Variants in PRKN observed in about 807,000 individuals in gnomAD.
PRKN encodes parkin RBR E3 ubiquitin protein ligase.
A neutral mutation model predicts 59.5 loss-of-function variants in PRKN; 56 were observed. The observed-to-expected ratio is 0.94, with a 90% confidence interval of 0.76 to 1.18. The LOEUF (loss-of-function observed/expected upper bound fraction) is 1.18, where lower values mean the gene tolerates loss of function less well. Ranked by LOEUF, PRKN falls within the 50% of genes most tolerant of loss-of-function variation. The pLI, the probability that PRKN is intolerant of heterozygous loss-of-function variation, is 0.00. For missense variants in PRKN, 657 were observed against 596.4 expected (o/e 1.10, Z -1.06); for synonymous variants, 250 against 222.1 (o/e 1.13, Z -1.12).
At chr6:161,691,513 A>G (rs1364248376) in intron 7 of PRKN, among the ~76,000 whole-genome samples, 64 of 152,228 alleles carry the variant, frequency 4.2e-4, no homozygotes, top group Admixed American at 4.2e-3. Flanking sequence ...GACTTTCTGC[A>G]TCTCTGTTTT....
At chr6:161,909,900 T>A (rs1778292147) in intron 6 of PRKN, among the ~76,000 whole-genome samples, 1 of 152,128 alleles carries the variant, frequency 6.6e-6, no homozygotes, top group African/African-American at 2.4e-5. Flanking sequence ...AGTGAAATAG[T>A]AAAATAGTCT....
chr6:161,817,980 T>C (rs1306942609), intron 6 of PRKN, among the ~76,000 whole-genome samples: 1 of 152,196 alleles, frequency 6.6e-6, no homozygotes, highest in Admixed American at 6.5e-5. Context: ...CCTTGGATAG[T>C]CTACTGGCGT....
rs372356751 is a variant in PRKN, at chr6:162,598,159, A to C, written c.7+129503T>G. 1.6e-4 allele frequency among the ~76,000 whole-genome samples: 24 copies of C among 152,272 alleles called. No individual in the cohort carries two copies. The East Asian group carries it at 2.9e-3, about 18-fold the overall frequency. ...ATCAGCATTTTCATTTTAAATTTTA[A>C]CTTTCTTATAAATTTCTGAGAAATT... On this transcript the variant is annotated intron_variant, in intron 1 of 11. Coordinates refer to ENST00000366898, the MANE Select transcript of PRKN (RefSeq NM_004562.3).
chr6:162,464,699 G>T (rs1039849787), intron 1 of PRKN, among the ~76,000 whole-genome samples: 1 of 151,012 alleles, frequency 6.6e-6, no homozygotes, highest in African/African-American at 2.4e-5. Flanking sequence ...CGTGGTGGCG[G>T]GCGCCTGTAG....
At chr6:161,665,627 C>T (rs1324626210) in intron 7 of PRKN, among the ~76,000 whole-genome samples, 1 of 152,198 alleles carries the variant, frequency 6.6e-6, no homozygotes, top group Non-Finnish European at 1.5e-5. Flanking sequence ...CTTGTTCATT[C>T]TACATCAAAA....
intron 6 of PRKN, among the ~76,000 whole-genome samples, chr6:161,900,399 G>A (rs1430093431): frequency 6.8e-6 from 1 of 146,018 alleles, no homozygotes; most frequent in Non-Finnish European, 1.5e-5. Context: ...CACTGAGTGT[G>A]GGATCAAATT....
At chr6:161,667,311 T>C (rs369677092) in intron 7 of PRKN, among the ~76,000 whole-genome samples, 3 of 152,176 alleles carry the variant, frequency 2.0e-5, no homozygotes, top group African/African-American at 7.2e-5. Flanking sequence ...TGCTGGTCCA[T>C]TGCTGACAGG....
chr6:162,523,299 G>A (rs1778147704), intron 1 of PRKN, among the ~76,000 whole-genome samples: 1 of 152,184 alleles, frequency 6.6e-6, no homozygotes, highest in Non-Finnish European at 1.5e-5. Context: ...TTAGATATTA[G>A]ATGTGACGAG....
intron 6 of PRKN, among the ~76,000 whole-genome samples, chr6:161,836,480 G>A (rs770553628): frequency 5.9e-5 from 9 of 152,160 alleles, no homozygotes; most frequent in South Asian, 4.1e-4. Flanking sequence ...CACCTCATAC[G>A]AAGCAAAGCG....
chr6:162,465,958 A>G (rs1464687208), intron 1 of PRKN, among the ~76,000 whole-genome samples: 3 of 152,308 alleles, frequency 2.0e-5, no homozygotes, highest in South Asian at 2.1e-4. Flanking sequence ...TTGTATATCA[A>G]TATTTTATCA....
At chr6:162,417,169 A>C (rs1364639298) in intron 2 of PRKN, among the ~76,000 whole-genome samples, 1 of 152,196 alleles carries the variant, frequency 6.6e-6, no homozygotes, top group East Asian at 1.9e-4. Flanking sequence ...AATGATGGCA[A>C]ATGTGGCCAT....
intron 2 of PRKN, chr6:162,263,112 C>T: frequency 2.9e-6 from 1 of 345,258 alleles, no homozygotes; most frequent in African/African-American, 2.1e-5. Flanking sequence ...CAGAGTCTCA[C>T]TCTGTCATCC....
At chr6:161,978,322 T>C (rs1171934116) in intron 5 of PRKN, among the ~76,000 whole-genome samples, 3 of 152,146 alleles carry the variant, frequency 2.0e-5, no homozygotes, top group Non-Finnish European at 4.4e-5. Flanking sequence ...AGTGCTGGGA[T>C]TACAGGTGTG....
chr6:162,301,156 A>G (rs1184411053), intron 2 of PRKN, among the ~76,000 whole-genome samples: 2 of 152,174 alleles, frequency 1.3e-5, no homozygotes, highest in Non-Finnish European at 2.9e-5. Context: ...AAACCTTCCA[A>G]TGACCAGGAA....
chr6:161,423,218 GC>G lies in PRKN; in HGVS notation c.1084-36342del, dbSNP rs1381042659. ...GGACGTCCTCATCTGAGAAGACGTGGCCCCCAAATGAATAGGGAGGCACTCA... is the reference window on the plus strand; with the variant it reads ...GGACGTCCTCATCTGAGAAGACGTGGCCCCAAATGAATAGGGAGGCACTCA... On this transcript the variant is annotated intron_variant, in intron 9 of 11. Coordinates refer to ENST00000366898, the MANE Select transcript of PRKN (RefSeq NM_004562.3). This position sits in a 1 kb window ranked among gnomAD's most constrained non-coding sequence, Gnocchi z 5.9. Among the ~76,000 whole-genome samples the G allele has an allele frequency of 5.9e-5, 9 of 152,190 alleles. No homozygotes were observed. Among genetic ancestry groups the G allele is most frequent in the African/African-American group, 1.9e-4 (8 of 41,526 alleles).
chr6:161,808,339 C>T (rs910503344), intron 6 of PRKN, among the ~76,000 whole-genome samples: 5 of 152,066 alleles, frequency 3.3e-5, no homozygotes, highest in African/African-American at 1.2e-4. Context: ...AGCACTGTAT[C>T]AATGTTAAAT....
intron 6 of PRKN, among the ~76,000 whole-genome samples, chr6:161,787,845 C>A (rs1256850870): frequency 6.6e-6 from 1 of 152,194 alleles, no homozygotes; most frequent in African/African-American, 2.4e-5. Context: ...ACTCAGGAGG[C>A]TGAGGCAGGT....
intron 9 of PRKN, among the ~76,000 whole-genome samples, chr6:161,507,677 CTT>C (rs1217980127): frequency 1.3e-5 from 2 of 152,100 alleles, no homozygotes; most frequent in Non-Finnish European, 2.9e-5. Context: ...TATCTTGACT[CTT>C]CTCTCTGCTC....
chr6:161,351,764 G>A (rs139158159), intron 11 of PRKN, among the ~76,000 whole-genome samples: 3 of 152,320 alleles, frequency 2.0e-5, no homozygotes, highest in African/African-American at 7.2e-5. Flanking sequence ...AGCACTTTGA[G>A]ATAAGAGCAT....
Sources: gnomAD v4.1 joint callset for allele counts (sites outside exome capture counted in the v4.1 genomes callset) on GRCh38, gnomAD v4.1.1 for gene constraint, Gnocchi (gnomAD v3.1) non-coding constraint, MANE v1.5 for transcripts, NCBI Gene and HGNC (gene_info 2026-07-23, HGNC 2026-07-21) for gene names.